SNRPN: variants seen among roughly 807,000 people sequenced by gnomAD.
SNRPN encodes the protein small nuclear ribonucleoprotein-associated protein N.
In SNRPN, 7 loss-of-function variants were observed where a neutral mutation model predicts 25.2. The ratio of observed to expected loss-of-function variants is 0.28; its 90% confidence interval spans 0.16 to 0.52. The LOEUF (loss-of-function observed/expected upper bound fraction) is 0.52, where lower values mean the gene tolerates loss of function less well. SNRPN is among the 20% of genes least tolerant of loss of function. SNRPN has a pLI of 0.96. For synonymous variants in SNRPN, 124 were observed against 110.6 expected (o/e 1.12, Z -0.76); for missense variants, 196 against 322.5 (o/e 0.61, Z 3.00).
intron 1 of SNRPN, among the ~76,000 whole-genome samples, chr15:24,877,879 A>G (rs1296010054): frequency 1.3e-5 from 2 of 152,210 alleles, no homozygotes. Flanking sequence ...ATGTCCAGCA[A>G]CGATACAGGG....
At chr15:24,969,124 T>C (rs930336267) in intron 3 of SNRPN, among the ~76,000 whole-genome samples, 2 of 152,038 alleles carry the variant, frequency 1.3e-5, no homozygotes, top group Admixed American at 1.3e-4. Flanking sequence ...CCATTTTGAG[T>C]TATTAATTAA....
chr15:24,926,148 AGCCACTGTGCCAG>A (rs1446518862), intron 3 of SNRPN, among the ~76,000 whole-genome samples: 1 of 152,222 alleles, frequency 6.6e-6, no homozygotes, highest in Non-Finnish European at 1.5e-5. Flanking sequence ...TGCAGGCATG[AGCCACTGTGCCAG>A]GCCCCTCATT....
intron 2 of SNRPN, chr15:24,849,676 C>T (rs2052624873): frequency 6.6e-6 from 1 of 152,230 alleles, no homozygotes. Flanking sequence ...TGCTCTGTTA[C>T]TAGGACCCAG....
intron 2 of SNRPN, among the ~76,000 whole-genome samples, chr15:24,830,783 G>C (rs930010584): frequency 6.6e-6 from 1 of 152,170 alleles, no homozygotes; most frequent in Non-Finnish European, 1.5e-5. Flanking sequence ...TGTGTTTTGA[G>C]TGCATACATT....
intron 2 of SNRPN, among the ~76,000 whole-genome samples, chr15:24,908,052 C>CAAAAAAAAAAAAAAAA (rs71127014): frequency 1.4e-5 from 1 of 70,708 alleles, no homozygotes; most frequent in Non-Finnish European, 2.5e-5. Context: ...GACTCCATCT[C>CAAAAAAAAAAAAAAAA]AAAAAAAAAA....
At chr15:24,846,836 A>G (rs1242235489) in intron 2 of SNRPN, among the ~76,000 whole-genome samples, 2 of 152,178 alleles carry the variant, frequency 1.3e-5, no homozygotes, top group Non-Finnish European at 2.9e-5. Flanking sequence ...TTCAGCTACT[A>G]TGGGGTCGAC....
At chr15:24,975,906 T>G (rs868743170) in intron 5 of SNRPN, among the ~76,000 whole-genome samples, 1 of 152,182 alleles carries the variant, frequency 6.6e-6, no homozygotes, top group Non-Finnish European at 1.5e-5. Flanking sequence ...TGGTATCCTC[T>G]CTTTGCCTAT....
At chr15:24,903,689 T>C (rs888118848) in intron 2 of SNRPN, among the ~76,000 whole-genome samples, 3 of 152,130 alleles carry the variant, frequency 2.0e-5, no homozygotes, top group African/African-American at 7.2e-5. Context: ...AAGCAGCTGC[T>C]AGGGATATTA....
upstream of SNRPN, among the ~76,000 whole-genome samples, chr15:24,854,956 A>T (rs982678655): frequency 1.3e-5 from 2 of 151,642 alleles, no homozygotes; most frequent in South Asian, 4.2e-4. Context: ...GCGAGCCGAG[A>T]TTGTGCCACT....
intron 1 of SNRPN, 79 bp downstream of exon 1, chr15:24,955,141 A>C: frequency 6.3e-7 from 1 of 1,587,444 alleles, no homozygotes; most frequent in East Asian, 2.2e-5. Context: ...CCAAGTTTTT[A>C]GGACTTGGAG....
chr15:24,969,931 A>AG (rs1304416619), intron 3 of SNRPN, among the ~76,000 whole-genome samples: 4 of 152,232 alleles, frequency 2.6e-5, no homozygotes, highest in African/African-American at 9.6e-5. Flanking sequence ...TAGTTGTGAC[A>AG]GATTGAATGA....
intron 2 of SNRPN, chr15:24,908,971 A>G (rs1416624460): frequency 5.1e-6 from 7 of 1,382,630 alleles, no homozygotes; most frequent in Middle Eastern, 5.1e-4. Flanking sequence ...GGAAGCTTGC[A>G]TTCTTTTGAG....
intron 2 of SNRPN, among the ~76,000 whole-genome samples, chr15:24,905,106 C>T (rs1317950575): frequency 1.0e-5 from 1 of 99,130 alleles, no homozygotes; most frequent in Admixed American, 1.2e-4. Context: ...GAGCAAGACT[C>T]CGTCTCAAAA....
At chr15:24,922,842 C>CATATCATT (rs1480820593) in intron 3 of SNRPN, among the ~76,000 whole-genome samples, 1 of 137,168 alleles carries the variant, frequency 7.3e-6, no homozygotes, top group Admixed American at 7.7e-5. Context: ...GGTATACAGA[C>CATATCATT]ATATCATTAT....
chr15:24,863,487 G>T lies in SNRPN; in HGVS notation c.-579+6771G>T, dbSNP rs970868563. On this transcript the variant is annotated intron_variant, in intron 1 of 11. Transcript: ENST00000400097. ...CGCATCTGTGTCTGCGTGTCCTCTC[G>T]GTGTGCTGACATTCTTACAAAATCC... Among the ~76,000 whole-genome samples, 2 of 150,456 alleles carry T rather than the reference G, an allele frequency of 1.3e-5. 1 individual carries two copies. Among genetic ancestry groups the T allele is most frequent in the African/African-American group, 5.0e-5 (2 of 39,962 alleles).
chr15:24,849,939 A>G (rs923687890), intron 2 of SNRPN: 1 of 152,254 alleles, frequency 6.6e-6, no homozygotes, highest in African/African-American at 2.4e-5. Context: ...GTAATTCATA[A>G]GTGAATTTGC....
intron 3 of SNRPN, among the ~76,000 whole-genome samples, chr15:24,932,577 T>C (rs1325051742): frequency 1.3e-5 from 2 of 151,600 alleles, no homozygotes; most frequent in Non-Finnish European, 2.9e-5. Context: ...CTGGCTAGAG[T>C]TTGGTCAAGA....
chr15:24,975,462 G>A lies in SNRPN; in HGVS notation c.108G>A (p.Lys36=). ...IFIGTFKAFD[K]HMNLILCDCD... ...TTGGCACCTTTAAGGCTTTTGACAAGCATATGAATTTGATCCTCTGTGATT... is the reference window on the plus strand; with the variant it reads ...TTGGCACCTTTAAGGCTTTTGACAAACATATGAATTTGATCCTCTGTGATT... Residue 36 remains lysine, a synonymous_variant, in exon 5 of 10, where the codon AAG becomes AAA. Coordinates refer to ENST00000390687, the MANE Select transcript of SNRPN (RefSeq NM_003097.6). 11 of 1,613,922 alleles carry A rather than the reference G, an allele frequency of 6.8e-6. No individual in the cohort carries two copies. The highest frequency in any genetic ancestry group is 1.1e-5 in the South Asian group (1 of 91,082).
intron 3 of SNRPN, among the ~76,000 whole-genome samples, chr15:24,925,967 C>T (rs948083606): frequency 1.3e-5 from 2 of 152,110 alleles, no homozygotes; most frequent in African/African-American, 4.8e-5. Context: ...ATCTCCTGAC[C>T]TTGTGATCCG....
Sources: gnomAD v4.1 joint callset for allele counts (sites outside exome capture counted in the v4.1 genomes callset) on GRCh38, gnomAD v4.1.1 for gene constraint, MANE v1.5 for transcripts, NCBI Gene and HGNC (gene_info 2026-07-23, HGNC 2026-07-21) for gene names.